The following EIPR1 variants were observed in gnomAD, a reference collection of about 807,000 sequenced individuals.
EIPR1 encodes the protein EARP complex and GARP complex interacting protein 1.
In EIPR1, 25 loss-of-function variants were observed where a neutral mutation model predicts 48.1. That is an observed-to-expected ratio of 0.52 (90% CI 0.38 to 0.73). The LOEUF (loss-of-function observed/expected upper bound fraction) is 0.73. Among genes scored for constraint, EIPR1 ranks in the 30% least tolerant of loss-of-function variants. The probability of loss-of-function intolerance (pLI) is 0.00; values close to 1 mark genes in which losing one functional copy is unlikely to be tolerated. For missense variants in EIPR1, 415 were observed against 506.2 expected (o/e 0.82, Z 1.73); for synonymous variants, 204 against 201.9 (o/e 1.01, Z -0.09).
intron 3 of EIPR1, among the ~76,000 whole-genome samples, chr2:3,287,669 G>A (rs1668240909): frequency 6.6e-6 from 1 of 151,438 alleles, no homozygotes; most frequent in South Asian, 2.1e-4. Context: ...CCACAATCCG[G>A]AAAGCGCGTT....
At position 3,257,331 on chromosome 2, in the gene EIPR1, G is replaced by A; in HGVS notation, c.384C>T (p.His128=). The change falls in exon 4 of 9, where the codon CAC becomes CAT. Residue 128 remains histidine, a synonymous_variant. Transcript: ENST00000382125. ...STAQTLELLC[H]LDNTAHGNMA... ...TGTTGCCATGGGCTGTGTTGTCAAG[G>A]TGACAGAGCAGCTCCAGGGTCTGTG... The A allele has an allele frequency of 6.2e-7, 1 of 1,614,110 alleles. No homozygotes were observed. The highest frequency in any genetic ancestry group is 8.5e-7 in the Non-Finnish European group (1 of 1,179,982).
At chr2:3,310,956 G>A (rs1291342346) in intron 3 of EIPR1, among the ~76,000 whole-genome samples, 1 of 151,870 alleles carries the variant, frequency 6.6e-6, no homozygotes, top group Admixed American at 6.6e-5. Flanking sequence ...AATTTTTCTT[G>A]AAACTTGATT....
intron 3 of EIPR1, among the ~76,000 whole-genome samples, chr2:3,273,032 C>T (rs373465787): frequency 7.2e-5 from 11 of 152,258 alleles, no homozygotes; most frequent in Admixed American, 2.6e-4. Flanking sequence ...GCTATCTACG[C>T]GAAAACAGCT....
At chr2:3,194,216 A>G in intron 6 of EIPR1, 50 bp from the exon 7 acceptor site, 1 of 1,601,212 alleles carries the variant, frequency 6.2e-7, no homozygotes, top group South Asian at 1.1e-5. Flanking sequence ...GGATTAGGAA[A>G]AGCCACTGCG....
At chr2:3,284,204 G>A (rs1668105997) in intron 3 of EIPR1, among the ~76,000 whole-genome samples, 1 of 147,486 alleles carries the variant, frequency 6.8e-6, no homozygotes, top group Admixed American at 6.7e-5. Flanking sequence ...CTGGGCACAT[G>A]GAGATGGGGC....
chr2:3,196,761 G>A (rs535265759), intron 6 of EIPR1, 120 bp downstream of exon 6: 33 of 1,392,032 alleles, frequency 2.4e-5, no homozygotes, highest in Non-Finnish European at 2.9e-5. Flanking sequence ...ACAAAAACGA[G>A]ATAAAGACAA....
At chr2:3,283,944 T>TAAAA (rs59593196) in intron 3 of EIPR1, among the ~76,000 whole-genome samples, 36 of 92,306 alleles carry the variant, frequency 3.9e-4, no homozygotes, top group African/African-American at 6.8e-4. Flanking sequence ...AGACTACATC[T>TAAAA]AAAAAAAAAA....
chr2:3,301,024 T>C (rs151266047), intron 3 of EIPR1: 2 of 152,306 alleles, frequency 1.3e-5, no homozygotes, highest in East Asian at 1.9e-4. Context: ...AGCCAAAAAG[T>C]ATCCTACAAA....
intron 3 of EIPR1, among the ~76,000 whole-genome samples, chr2:3,285,129 A>G (rs1242050497): frequency 1.3e-5 from 2 of 152,188 alleles, no homozygotes; most frequent in Non-Finnish European, 1.5e-5. Context: ...CAGGCCGGAC[A>G]GTCCCCCGAG....
chr2:3,229,122 C>T (rs1304348769), intron 4 of EIPR1, among the ~76,000 whole-genome samples: 1 of 152,166 alleles, frequency 6.6e-6, no homozygotes, highest in Non-Finnish European at 1.5e-5. Context: ...AGTTGTTGTC[C>T]AGTCCAGCTT....
At chr2:3,192,604 T>C in intron 7 of EIPR1, 23 bp from the exon 8 acceptor site, 5 of 1,605,730 alleles carry the variant, frequency 3.1e-6, no homozygotes, top group East Asian at 4.5e-5. Context: ...AGGCAGCTGC[T>C]GAAATGAACT....
chr2:3,267,089 C>T (rs1279988702), intron 3 of EIPR1, among the ~76,000 whole-genome samples: 2 of 152,208 alleles, frequency 1.3e-5, no homozygotes, highest in Admixed American at 6.5e-5. Context: ...GATCTACGGC[C>T]AAGCAGGGAC....
At chr2:3,308,184 C>T (rs900644685) in intron 3 of EIPR1, among the ~76,000 whole-genome samples, 2 of 152,172 alleles carry the variant, frequency 1.3e-5, no homozygotes, top group Non-Finnish European at 2.9e-5. Flanking sequence ...AGGCCAGGAC[C>T]CAGTCCCCAA....
At chr2:3,228,634 C>G (rs1666140055) in intron 4 of EIPR1, among the ~76,000 whole-genome samples, 1 of 152,094 alleles carries the variant, frequency 6.6e-6, no homozygotes, top group South Asian at 2.1e-4. Flanking sequence ...GGCTGTGTCC[C>G]CACCCAAATT....
intron 3 of EIPR1, among the ~76,000 whole-genome samples, chr2:3,280,521 G>A (rs991010697): frequency 2.6e-5 from 4 of 152,178 alleles, no homozygotes; most frequent in African/African-American, 9.6e-5. Context: ...TGCTCCAGGG[G>A]AAGAGGGGCT....
chr2:3,275,513 A>C (rs911456125), intron 3 of EIPR1, among the ~76,000 whole-genome samples: 1 of 152,188 alleles, frequency 6.6e-6, no homozygotes, highest in East Asian at 1.9e-4. Flanking sequence ...AACACAACAT[A>C]ATTTTTTTCT....
chr2:3,269,554 G>A (rs1256666918), intron 3 of EIPR1, among the ~76,000 whole-genome samples: 9 of 100,678 alleles, frequency 8.9e-5, no homozygotes, highest in East Asian at 3.8e-4. Flanking sequence ...CTCAGTCATC[G>A]CACTCAGTCA....
At chr2:3,275,387 T>A (rs1276272553) in intron 3 of EIPR1, among the ~76,000 whole-genome samples, 1 of 149,946 alleles carries the variant, frequency 6.7e-6, no homozygotes, top group Non-Finnish European at 1.5e-5. Flanking sequence ...AAGCAAAAAT[T>A]GACAGAACAA....
chr2:3,256,867 G>A (rs907596085), intron 4 of EIPR1, among the ~76,000 whole-genome samples: 37 of 152,370 alleles, frequency 2.4e-4, no homozygotes, highest in Middle Eastern at 6.8e-3. Flanking sequence ...GCTTGGGCAC[G>A]CAGCCCCACA....
Sources: allele counts gnomAD v4.1 joint callset (sites outside exome capture counted in the v4.1 genomes callset), GRCh38; gene constraint gnomAD v4.1.1; transcripts MANE v1.5; gene names NCBI Gene and HGNC (gene_info 2026-07-23, HGNC 2026-07-21).